The following MORC1 variants were observed in gnomAD, a reference collection of about 807,000 sequenced individuals.
The protein encoded by MORC1 is MORC family CW-type zinc finger 1, also known as MORC family CW-type zinc finger protein 1.
In MORC1, 59 loss-of-function variants were observed where a neutral mutation model predicts 134.9. The ratio of observed to expected loss-of-function variants is 0.44; its 90% CI spans 0.35 to 0.54. MORC1 has a LOEUF of 0.54. Ranked by LOEUF, MORC1 falls within the 20% of genes least tolerant of loss-of-function variation. The pLI is 0.00. For missense variants in MORC1, 947 were observed against 1,134.5 expected (o/e 0.83, Z 2.37); for synonymous variants, 395 against 391.7 (o/e 1.01, Z -0.10).
chr3:109,030,697 T>A (rs1949221659), intron 16 of MORC1, among the ~76,000 whole-genome samples: 1 of 152,134 alleles, frequency 6.6e-6, no homozygotes, highest in Non-Finnish European at 1.5e-5. Flanking sequence ...ATGGCTAAAT[T>A]TATCTAGCCA....
intron 1 of MORC1, among the ~76,000 whole-genome samples, chr3:109,114,740 T>G (rs1248085120): frequency 6.6e-6 from 1 of 152,212 alleles, no homozygotes; most frequent in East Asian, 1.9e-4. Context: ...TATAAGCATG[T>G]TTTCAAGTGA....
At chr3:109,040,427 GGAAAGAAA>G (rs1214249386) in intron 14 of MORC1, among the ~76,000 whole-genome samples, 108 of 48,350 alleles carry the variant, frequency 2.2e-3, no homozygotes, top group African/African-American at 3.0e-3. Flanking sequence ...AAGGAAGGAA[GGAAAGAAA>G]GAAAGAAAGA....
chr3:109,000,099 G>A (rs568099594), intron 21 of MORC1, among the ~76,000 whole-genome samples: 7 of 152,236 alleles, frequency 4.6e-5, no homozygotes, highest in African/African-American at 1.7e-4. Context: ...ATTTAAAGGA[G>A]AAAATGGGGA....
chr3:109,102,103 A>G (rs191519591), intron 4 of MORC1, among the ~76,000 whole-genome samples: 104 of 152,348 alleles, frequency 6.8e-4, no homozygotes, highest in Non-Finnish European at 1.3e-3. Context: ...TTAAGTGAAG[A>G]AAACAAAACC....
At chr3:108,982,424 T>A (rs1947753696) in intron 23 of MORC1, among the ~76,000 whole-genome samples, 1 of 152,052 alleles carries the variant, frequency 6.6e-6, no homozygotes, top group Non-Finnish European at 1.5e-5. Flanking sequence ...GGATTATAAA[T>A]CATGCTACTA....
chr3:109,005,919 A>G (rs927159810), intron 18 of MORC1, among the ~76,000 whole-genome samples: 1 of 152,212 alleles, frequency 6.6e-6, no homozygotes, highest in Admixed American at 6.5e-5. Context: ...TGAGGGCTCA[A>G]CGAAACTCTT....
At chr3:109,110,404 G>C (rs368993563) in intron 3 of MORC1, 16 of 208,954 alleles carry the variant, frequency 7.7e-5, no homozygotes, top group African/African-American at 3.5e-4. Flanking sequence ...AAACTACTAA[G>C]TTGGGAATGA....
At chr3:108,998,478 A>C (rs1017479216) in intron 21 of MORC1, among the ~76,000 whole-genome samples, 1 of 152,064 alleles carries the variant, frequency 6.6e-6, no homozygotes, top group Non-Finnish European at 1.5e-5. Context: ...TGTGGTAGCT[A>C]ATTATTCTTC....
At chr3:109,032,204 TG>T (rs1949256864) in intron 16 of MORC1, among the ~76,000 whole-genome samples, 1 of 152,198 alleles carries the variant, frequency 6.6e-6, no homozygotes, top group African/African-American at 2.4e-5. Flanking sequence ...ATTTTCCCTA[TG>T]GGGGAAAATA....
At chr3:109,046,080 C>T (rs977483597) in intron 14 of MORC1, among the ~76,000 whole-genome samples, 3 of 152,174 alleles carry the variant, frequency 2.0e-5, no homozygotes. Context: ...TTACTACCCA[C>T]AACTACATCT....
chr3:109,002,393 G>T (rs1188306080), intron 20 of MORC1, among the ~76,000 whole-genome samples: 1 of 152,236 alleles, frequency 6.6e-6, no homozygotes, highest in Non-Finnish European at 1.5e-5. Context: ...TTGGGCAATT[G>T]GCTACATGCA....
Position 109,100,640 on chromosome 3 carries a change from G to C in MORC1, c.224-133C>G, listed in dbSNP as rs187687717. Reference sequence around the variant, plus strand: ...GCTCTTGGGTCAGCCCAGAGACAAGGATTTTCATCAGAATCCACAGTCTCT... The same window carrying C: ...GCTCTTGGGTCAGCCCAGAGACAAGCATTTTCATCAGAATCCACAGTCTCT... On this transcript the variant is annotated intron_variant, in intron 4 of 27. Coordinates refer to ENST00000232603, the MANE Select transcript of MORC1 (RefSeq NM_014429.4). 6.4e-4 allele frequency: 438 copies of C among 683,996 alleles called. 1 individual carries two copies. Among genetic ancestry groups the C allele is most frequent in the Non-Finnish European group, 9.3e-5 (36 of 387,374 alleles). 42.4% of individuals were successfully genotyped at this position (683,996 alleles called of 1,614,324 possible).
At chr3:108,990,221 C>A (rs895245645) in intron 21 of MORC1, among the ~76,000 whole-genome samples, 1 of 152,222 alleles carries the variant, frequency 6.6e-6, no homozygotes, top group East Asian at 1.9e-4. Flanking sequence ...TTATGGAACA[C>A]ATTTTCTACA....
chr3:109,072,142 T>C (rs1950333087), intron 8 of MORC1, among the ~76,000 whole-genome samples: 1 of 152,096 alleles, frequency 6.6e-6, no homozygotes, highest in Admixed American at 6.5e-5. Context: ...ATTATAAACG[T>C]CAAACTTTTT....
At chr3:109,054,164 C>T (rs930783448) in intron 14 of MORC1, among the ~76,000 whole-genome samples, 1 of 151,926 alleles carries the variant, frequency 6.6e-6, no homozygotes. Flanking sequence ...TGCCTGTAAT[C>T]CCAGCCACTC....
intron 24 of MORC1, among the ~76,000 whole-genome samples, chr3:108,972,854 C>A (rs1242584844): frequency 6.6e-6 from 1 of 152,060 alleles, no homozygotes; most frequent in African/African-American, 2.4e-5. Context: ...AAATTTAGAG[C>A]AAATCAGAAA....
chr3:109,090,136 C>G lies in MORC1; in HGVS notation c.689+3300G>C, dbSNP rs191279601. 5.3e-3 allele frequency among the ~76,000 whole-genome samples: 803 copies of G among 151,990 alleles called. 11 individuals carry two copies. The highest frequency in any genetic ancestry group is 0.018 in the African/African-American group (760 of 41,400). On this transcript the variant is annotated intron_variant, in intron 8 of 27. Transcript: ENST00000232603. ...AAATTTTTTTTAATTTAAGTGGAAA[C>G]AGGTCACCTTTAAACTGATATTGCC... is the stretch of plus-strand genomic sequence containing the variant.
intron 17 of MORC1, among the ~76,000 whole-genome samples, chr3:109,020,759 T>C (rs1355839172): frequency 1.1e-4 from 6 of 55,610 alleles, no homozygotes; most frequent in African/African-American, 3.9e-4. Context: ...AGTGAGACTC[T>C]GTCTCAAAAA....
At chr3:109,086,879 A>G (rs976635108) in intron 8 of MORC1, among the ~76,000 whole-genome samples, 2 of 152,066 alleles carry the variant, frequency 1.3e-5, no homozygotes, top group Non-Finnish European at 2.9e-5. Context: ...TGAAAAGTCA[A>G]ATTATTTCAA....
Sources: allele counts gnomAD v4.1 joint callset (sites outside exome capture counted in the v4.1 genomes callset), GRCh38; gene constraint gnomAD v4.1.1; transcripts MANE v1.5; gene names NCBI Gene and HGNC (gene_info 2026-07-23, HGNC 2026-07-21).